Variants in ERMP1 observed in about 807,000 individuals in gnomAD.
ERMP1 encodes Felix-ina.
Under a neutral mutation model 92.0 loss-of-function variants are expected in ERMP1, and 86 were observed. The ratio of observed to expected loss-of-function variants is 0.93; its 90% confidence interval spans 0.79 to 1.12. ERMP1 has a LOEUF of 1.12. ERMP1 is among the 50% of genes most tolerant of loss of function. The pLI is 0.00. For synonymous variants in ERMP1, 530 were observed against 412.8 expected (o/e 1.28, Z -3.44); for missense variants, 1,342 against 1,116.3 (o/e 1.20, Z -2.88).
chr9:5,809,875 G>C (rs1829023445), intron 8 of ERMP1, 136 bp downstream of exon 8: 1 of 629,976 alleles, frequency 1.6e-6, no homozygotes, highest in Admixed American at 2.6e-5. Context: ...AATTAACACA[G>C]TGTAGGTGCG....
Position 5,801,297 on chromosome 9 carries a change from T to C in ERMP1, c.1946A>G (p.Lys649Arg), listed in dbSNP as rs745518655. Reference protein sequence around the residue: ...INFIYLAKSTKKTMLTLTLVC... With the variant: ...INFIYLAKSTRKTMLTLTLVC... Reference sequence around the variant, plus strand: ...CAAAGTTAAAGTTAGCATGGTTTTTTTTGTGCTCTTGGCAAGGTAGATGAA... The same window carrying C: ...CAAAGTTAAAGTTAGCATGGTTTTTCTTGTGCTCTTGGCAAGGTAGATGAA... Residue 649 changes from lysine to arginine, a missense_variant, in exon 11 of 15, where the codon AAA (lysine) becomes AGA (arginine). By Grantham distance (26) the Lys-to-Arg change is conservative (BLOSUM62 2). Transcript: ENST00000339450. 1 of 1,613,260 alleles carries C rather than the reference T, an allele frequency of 6.2e-7. No individual in the cohort carries two copies. Among genetic ancestry groups the C allele is most frequent in the Admixed American group, 1.7e-5 (1 of 59,898 alleles).
intron 6 of ERMP1, among the ~76,000 whole-genome samples, chr9:5,844,647 G>C (rs752365244): frequency 6.6e-6 from 1 of 152,200 alleles, no homozygotes; most frequent in Non-Finnish European, 1.5e-5. Context: ...GCGGAGAACT[G>C]TCAAGGAGCC....
At chr9:5,812,596 G>C in intron 5 of ERMP1, 1 of 443,142 alleles carries the variant, frequency 2.3e-6, no homozygotes, top group African/African-American at 2.0e-5. Flanking sequence ...GGCAAACCAA[G>C]ACAACAACGA....
At chr9:5,806,571 G>A (rs184389161) in intron 8 of ERMP1, among the ~76,000 whole-genome samples, 38 of 151,766 alleles carry the variant, frequency 2.5e-4, no homozygotes, top group African/African-American at 9.2e-4. Flanking sequence ...TGGGACTATA[G>A]GCACACACCA....
chr9:5,815,811 A>T (rs1003047568), intron 4 of ERMP1, among the ~76,000 whole-genome samples: 1 of 152,186 alleles, frequency 6.6e-6, no homozygotes, highest in Non-Finnish European at 1.5e-5. Flanking sequence ...ATAATGAGAC[A>T]AACAGATACC....
At chr9:5,852,629 A>G (rs925997196) in intron 6 of ERMP1, among the ~76,000 whole-genome samples, 1 of 151,342 alleles carries the variant, frequency 6.6e-6, no homozygotes, top group Non-Finnish European at 1.5e-5. Context: ...GAAGCCAACC[A>G]TTTTAAGAAT....
In ERMP1 at chr9:5,833,069, G is replaced by A. The variant is rs763373823; in HGVS notation, c.-42C>T. 11 of 1,405,024 alleles carry A rather than the reference G, an allele frequency of 7.8e-6. No individual in the cohort carries two copies. Among genetic ancestry groups the A allele is most frequent in the African/African-American group, 4.5e-5 (3 of 66,318 alleles). 87.0% of individuals were successfully genotyped at this position (1,405,024 alleles called of 1,614,324 possible). On this transcript the variant is annotated 5_prime_UTR_variant, in exon 1 of 15. Transcript: ENST00000339450. ...TGCCAGCCCAACCGCCCCAACCCGC[G>A]ACAGCCCCGGCCGCCGCCGACGCCG...
chr9:5,825,792 G>A (rs1054731772), intron 2 of ERMP1, among the ~76,000 whole-genome samples: 4 of 152,184 alleles, frequency 2.6e-5, no homozygotes, highest in East Asian at 1.9e-4. Context: ...CAGGAAAGGA[G>A]ACTAATGACC....
At chr9:5,798,746 C>G (rs565433158) in intron 12 of ERMP1, 60 bp downstream of exon 12, 11 of 1,045,782 alleles carry the variant, frequency 1.1e-5, no homozygotes, top group East Asian at 7.5e-5. Context: ...GATAAGAGTA[C>G]TGATATGGTG....
chr9:5,811,721 A>G (rs977644056), intron 6 of ERMP1, among the ~76,000 whole-genome samples: 12 of 152,168 alleles, frequency 7.9e-5, no homozygotes, highest in Admixed American at 1.3e-4. Context: ...ACTCTTCTAG[A>G]TATCAGAAAT....
At chr9:5,811,964 G>C (rs1316523637) in intron 6 of ERMP1, among the ~76,000 whole-genome samples, 161 bp downstream of exon 6, 1 of 152,116 alleles carries the variant, frequency 6.6e-6, no homozygotes, top group Admixed American at 6.6e-5. Flanking sequence ...TAGACTACAA[G>C]ACTAAAATTC....
At chr9:5,848,934 T>C (rs914312942) in intron 6 of ERMP1, among the ~76,000 whole-genome samples, 1 of 152,176 alleles carries the variant, frequency 6.6e-6, no homozygotes, top group Admixed American at 6.5e-5. Context: ...TAGATGGGGG[T>C]TCTGACCTAG....
intron 13 of ERMP1, among the ~76,000 whole-genome samples, chr9:5,796,728 AAG>A (rs1374759965): frequency 3.3e-5 from 5 of 152,172 alleles, no homozygotes; most frequent in African/African-American, 9.6e-5. Flanking sequence ...GTGGGAAGAA[AAG>A]AGAGATAAAT....
intron 5 of ERMP1, among the ~76,000 whole-genome samples, chr9:5,862,259 T>C (rs892751528): frequency 2.4e-4 from 36 of 152,166 alleles, no homozygotes; most frequent in East Asian, 1.5e-3. Flanking sequence ...CTTGAACTCC[T>C]GGCCTCAGGT....
Position 5,832,932 on chromosome 9 carries a change from C to T in ERMP1, c.96G>A (p.Glu32=), listed in dbSNP as rs781104612. Residue 32 remains glutamate (E), a synonymous_variant, in exon 1 of 15, where the codon GAG becomes GAA. Coordinates refer to ENST00000339450, the MANE Select transcript of ERMP1 (RefSeq NM_024896.3). Reference sequence around the variant, plus strand: ...CCACCAGAGGCTCCTGCGCTCGGGCCTCCCTCTCCGGCGGTGGCGCGGCCG... The same window carrying T: ...CCACCAGAGGCTCCTGCGCTCGGGCTTCCCTCTCCGGCGGTGGCGCGGCCG... ...GAAAAPPPER[E]ARAQEPLVDG... 1.9e-6 allele frequency: 3 copies of T among 1,562,494 alleles called. No individual in the cohort carries two copies. The highest frequency in any genetic ancestry group is 2.8e-5 in the African/African-American group (2 of 70,812).
At chr9:5,827,770 T>G (rs931973434) in intron 2 of ERMP1, among the ~76,000 whole-genome samples, 6 of 151,264 alleles carry the variant, frequency 4.0e-5, no homozygotes, top group Non-Finnish European at 8.8e-5. Context: ...TGAGCAGAGA[T>G]AGCGCCACTG....
chr9:5,841,702 A>G (rs1329662402), intron 6 of ERMP1, among the ~76,000 whole-genome samples: 1 of 152,160 alleles, frequency 6.6e-6, no homozygotes, highest in Non-Finnish European at 1.5e-5. Flanking sequence ...GAGGCACAAG[A>G]ATCACTTGAA....
At chr9:5,837,401 T>G, upstream of ERMP1, among the ~76,000 whole-genome samples, 1 of 152,120 alleles carries the variant, frequency 6.6e-6, no homozygotes, top group East Asian at 1.9e-4. Flanking sequence ...ACTTTTTAAC[T>G]AGTACAAAAA....
intron 13 of ERMP1, among the ~76,000 whole-genome samples, chr9:5,790,217 T>C (rs539792212): frequency 3.4e-5 from 5 of 149,128 alleles, no homozygotes; most frequent in South Asian, 2.1e-4. Context: ...TCTCGTTCTG[T>C]GGCCCAGGCT....
Sources: gnomAD v4.1 joint callset for allele counts (sites outside exome capture counted in the v4.1 genomes callset) on GRCh38, gnomAD v4.1.1 for gene constraint, MANE v1.5 for transcripts, NCBI Gene and HGNC (gene_info 2026-07-23, HGNC 2026-07-21) for gene names.